MALRD1: variants seen among roughly 807,000 people sequenced by gnomAD.
MALRD1 encodes MAM and LDL receptor class A domain containing 1, also known as MAM and LDL-receptor class A domain-containing protein 1.
In MALRD1, 247 loss-of-function variants were observed where a neutral mutation model predicts 242.1. The observed-to-expected ratio is 1.02, with a 90% CI of 0.92 to 1.13. The LOEUF (loss-of-function observed/expected upper bound fraction) is 1.13, where lower values mean the gene tolerates loss of function less well. Among genes scored for constraint, MALRD1 ranks in the 50% most tolerant of loss-of-function variants. The probability of loss-of-function intolerance (pLI) is 0.00; values close to 1 mark genes in which losing one functional copy is unlikely to be tolerated. For missense variants in MALRD1, 2,989 were observed against 2,533.1 expected, an observed-to-expected ratio of 1.18 and a Z score of -3.86; for synonymous variants, 995 against 866.6, an observed-to-expected ratio of 1.15 and a Z score of -2.60.
intron 34 of MALRD1, among the ~76,000 whole-genome samples, chr10:19,596,059 G>A (rs1838084332): frequency 1.3e-5 from 2 of 152,072 alleles, no homozygotes; most frequent in South Asian, 2.1e-4. Context: ...TGTCATCCAG[G>A]TGTTGAATTC....
chr10:19,066,650 C>G, intron 1 of MALRD1, 69 bp from the exon 2 acceptor site: 1 of 1,115,074 alleles, frequency 9.0e-7, no homozygotes. Flanking sequence ...CTTTATTTTT[C>G]TGCTATTGTC....
At chr10:19,532,293 C>T (rs760078355) in intron 32 of MALRD1, among the ~76,000 whole-genome samples, 12 of 152,096 alleles carry the variant, frequency 7.9e-5, no homozygotes, top group Non-Finnish European at 2.9e-5. Flanking sequence ...CTTGCTCTGT[C>T]GCCCCGACTG....
chr10:19,480,927 A>G (rs1007308780), intron 29 of MALRD1, among the ~76,000 whole-genome samples: 2 of 152,204 alleles, frequency 1.3e-5, no homozygotes, highest in African/African-American at 2.4e-5. Context: ...TTCTAAAATT[A>G]TATGAAGAAT....
intron 28 of MALRD1, among the ~76,000 whole-genome samples, chr10:19,444,805 A>C (rs1222150142): frequency 6.6e-6 from 1 of 152,082 alleles, no homozygotes; most frequent in African/African-American, 2.4e-5. Context: ...GCTCTTCTCA[A>C]GGAGTATCTT....
chr10:19,333,511 T>C (rs1843478102), intron 24 of MALRD1, among the ~76,000 whole-genome samples: 1 of 152,158 alleles, frequency 6.6e-6, no homozygotes, highest in Admixed American at 6.6e-5. Context: ...TATTCCGTGG[T>C]GTATATGTAA....
intron 1 of MALRD1, 61 bp downstream of exon 1, chr10:19,049,198 T>G: frequency 8.3e-7 from 1 of 1,205,362 alleles, no homozygotes; most frequent in Non-Finnish European, 1.0e-6. Flanking sequence ...CGAGGGCCTC[T>G]GAGCAGTCTG....
intron 21 of MALRD1, among the ~76,000 whole-genome samples, chr10:19,301,047 GCAAAGGA>G (rs1841933236): frequency 6.6e-6 from 1 of 151,920 alleles, no homozygotes; most frequent in African/African-American, 2.4e-5. Context: ...TAGAAAATGT[GCAAAGGA>G]CATGAGCAGA....
chr10:19,214,804 A>T (rs1370507865), intron 18 of MALRD1, among the ~76,000 whole-genome samples: 1 of 152,192 alleles, frequency 6.6e-6, no homozygotes, highest in Non-Finnish European at 1.5e-5. Flanking sequence ...TGTAAGGTGG[A>T]TGCCTGACAA....
chr10:19,649,673 G>T (rs1840784310), intron 36 of MALRD1, among the ~76,000 whole-genome samples: 1 of 151,964 alleles, frequency 6.6e-6, no homozygotes, highest in Admixed American at 6.6e-5. Flanking sequence ...CTCCCATTTT[G>T]TGGGTTGTCT....
At chr10:19,416,807 T>G (rs1833529760) in intron 28 of MALRD1, among the ~76,000 whole-genome samples, 1 of 152,206 alleles carries the variant, frequency 6.6e-6, no homozygotes, top group Admixed American at 6.6e-5. Context: ...GAGTTATCAT[T>G]TCTTTACTCT....
intron 1 of MALRD1, among the ~76,000 whole-genome samples, chr10:19,050,329 C>T (rs1480828523): frequency 6.6e-5 from 10 of 151,264 alleles, no homozygotes; most frequent in Non-Finnish European, 1.2e-4. Context: ...CCTCGTGATC[C>T]GCCCGCCTCG....
At chr10:19,542,226 C>T (rs1390354768) in intron 32 of MALRD1, among the ~76,000 whole-genome samples, 1 of 152,108 alleles carries the variant, frequency 6.6e-6, no homozygotes, top group Non-Finnish European at 1.5e-5. Context: ...ACTTGGAAGT[C>T]TCGGTCTGAA....
At chr10:19,477,096 G>C (rs1045958896) in intron 29 of MALRD1, among the ~76,000 whole-genome samples, 2 of 152,072 alleles carry the variant, frequency 1.3e-5, no homozygotes, top group Admixed American at 1.3e-4. Context: ...CCTGCGGCTT[G>C]AAATGCACTA....
At chr10:19,086,466 A>G (rs181393592) in intron 2 of MALRD1, among the ~76,000 whole-genome samples, 1 of 152,166 alleles carries the variant, frequency 6.6e-6, no homozygotes, top group Non-Finnish European at 1.5e-5. Context: ...ATCACAGGAA[A>G]TCTATGAGAG....
At chr10:19,570,741 G>T (rs1457774297) in intron 33 of MALRD1, among the ~76,000 whole-genome samples, 1 of 151,948 alleles carries the variant, frequency 6.6e-6, no homozygotes, top group Non-Finnish European at 1.5e-5. Flanking sequence ...CATCACAAAA[G>T]ATATCTATGT....
chr10:19,581,022 C>T lies in MALRD1; in HGVS notation c.5680+13319C>T, dbSNP rs79422001. On this transcript the variant is annotated intron_variant, in intron 33 of 39. Coordinates refer to ENST00000454679, the MANE Select transcript of MALRD1 (RefSeq NM_001142308.3). ...TGAAATAAGATCAAATTATTCTTTT[C>T]TCTTTCCCTATTACAGAGGATGATT... 4.6e-5 allele frequency among the ~76,000 whole-genome samples: 7 copies of T among 152,040 alleles called. No homozygotes were observed. The South Asian group carries it at 1.2e-3, about 27-fold the overall frequency.
At chr10:19,661,453 C>T (rs1841428960) in intron 36 of MALRD1, among the ~76,000 whole-genome samples, 1 of 152,066 alleles carries the variant, frequency 6.6e-6, no homozygotes, top group East Asian at 1.9e-4. Context: ...TACTATGCAG[C>T]CATAAAAAAA....
chr10:19,669,339 A>T (rs567981751), intron 36 of MALRD1, among the ~76,000 whole-genome samples: 1 of 152,136 alleles, frequency 6.6e-6, no homozygotes, highest in Non-Finnish European at 1.5e-5. Flanking sequence ...TTAGAAATTA[A>T]CCTCCCATGC....
In MALRD1 at chr10:19,281,152, A is replaced by C. The variant is rs182048432; in HGVS notation, c.3256+929A>C. Among the ~76,000 whole-genome samples the C allele has an allele frequency of 2.0e-5, 3 of 152,358 alleles. No homozygotes were observed. The East Asian group carries it at 5.8e-4, about 29-fold the overall frequency. On this transcript the variant is annotated intron_variant, in intron 20 of 39. Transcript: ENST00000454679. Reference sequence around the variant, plus strand: ...ATTAACTATCTAATCTAGACTAAAAAAGTCATAAAATCAAAGCTGACTCAC... The same window carrying C: ...ATTAACTATCTAATCTAGACTAAAACAGTCATAAAATCAAAGCTGACTCAC...
Sources: allele counts gnomAD v4.1 joint callset (sites outside exome capture counted in the v4.1 genomes callset), GRCh38; gene constraint gnomAD v4.1.1; transcripts MANE v1.5; gene names NCBI Gene and HGNC (gene_info 2026-07-23, HGNC 2026-07-21).